The following TECTA variants were observed in gnomAD, a reference collection of about 807,000 sequenced individuals.
The protein encoded by TECTA is tectorin alpha, also known as alpha-tectorin.
TECTA carries 128 observed loss-of-function variants against 216.8 expected under a neutral mutation model. The observed-to-expected ratio is 0.59, with a 90% CI of 0.51 to 0.68. The LOEUF is 0.68. TECTA is among the 30% of genes least tolerant of loss of function. The probability of loss-of-function intolerance (pLI) is 0.00; values close to 1 mark genes in which losing one functional copy is unlikely to be tolerated. For synonymous variants in TECTA, 1,089 were observed against 1,117.1 expected (o/e 0.97, Z 0.50); for missense variants, 2,551 against 2,786.2 (o/e 0.92, Z 1.90).
At chr11:121,163,161 A>G (rs1947018244) in intron 16 of TECTA, among the ~76,000 whole-genome samples, 1 of 152,192 alleles carries the variant, frequency 6.6e-6, no homozygotes, top group African/African-American at 2.4e-5. Context: ...TGACTCCAAG[A>G]TGATACACAC....
intron 20 of TECTA, among the ~76,000 whole-genome samples, chr11:121,175,521 C>T (rs1403536970): frequency 1.3e-5 from 2 of 152,052 alleles, no homozygotes; most frequent in Non-Finnish European, 2.9e-5. Context: ...TTTCTTAATC[C>T]TGAGTTCTAG....
rs527881617 is a variant in TECTA, at chr11:121,145,909, C to G, written c.3898C>G (p.Leu1300Val). The G allele has an allele frequency of 1.5e-5, 25 of 1,614,138 alleles. No individual in the cohort carries two copies. Among genetic ancestry groups the G allele is most frequent in the Non-Finnish European group, 2.1e-5 (25 of 1,180,050 alleles). Residue 1300 changes from leucine to valine, a missense_variant, in exon 12 of 24, where the codon CTG becomes GTG. Coordinates refer to ENST00000392793, the MANE Select transcript of TECTA (RefSeq NM_005422.4). ...GGAAGGTTTCTCCAAAGTGCAGCAG[C>G]TGTGCAGCCTGATCCCCAACCAGAA... ...KVEGFSKVQQ[L>V]CSLIPNQNAA...
chr11:121,142,541 G>A (rs573434500), intron 11 of TECTA, among the ~76,000 whole-genome samples: 1 of 152,276 alleles, frequency 6.6e-6, no homozygotes, highest in Non-Finnish European at 1.5e-5. Context: ...CAATTATATT[G>A]CCTCCTCAAG....
Position 121,146,026 on chromosome 11 carries a change from C to G in TECTA, c.4015C>G (p.Gln1339Glu). The G allele has an allele frequency of 5.6e-6, 9 of 1,614,000 alleles. No individual in the cohort carries two copies. The highest frequency in any genetic ancestry group is 7.6e-6 in the Non-Finnish European group (9 of 1,180,050). Reference protein sequence around the residue: ...FDSCIDGGAVQTACSWLQNYA... With the variant: ...FDSCIDGGAVETACSWLQNYA... ...CTCTTGCATCGATGGGGGCGCGGTG[C>G]AGACCGCCTGCAGCTGGCTGCAGAA... The change falls in exon 12 of 24, where the codon CAG (glutamine) becomes GAG (glutamate). Residue 1339 changes from glutamine (Q) to glutamate (E), a missense_variant. Coordinates refer to ENST00000392793, the MANE Select transcript of TECTA (RefSeq NM_005422.4).
chr11:121,113,122 C>G lies in TECTA; in HGVS notation c.537C>G (p.Thr179=), dbSNP rs374286593. ...TGTCCGATGGCTCCTATACATTCAC[C>G]CTCTTCAATTATTACGAAATCAACT... The part of the protein sequence containing the change: ...VLVSDGSYTF[T]LFNYYEINWT... Residue 179 remains threonine (T), a synonymous_variant, in exon 5 of 24, where the codon ACC becomes ACG. Transcript: ENST00000392793. The surrounding 1 kb of genome is among the most constrained non-coding windows in gnomAD (Gnocchi z 4.2). 2.3e-5 allele frequency: 37 copies of G among 1,614,122 alleles called. No homozygotes were observed. The African/African-American group carries it at 4.8e-4, about 21-fold the overall frequency.
At chr11:121,124,357 CAG>C (rs1946586557) in intron 7 of TECTA, among the ~76,000 whole-genome samples, 1 of 152,182 alleles carries the variant, frequency 6.6e-6, no homozygotes, top group Non-Finnish European at 1.5e-5. Flanking sequence ...AGTAACACCT[CAG>C]TGTCTGCCCC....
intron 2 of TECTA, among the ~76,000 whole-genome samples, chr11:121,103,953 C>T (rs1946369079): frequency 6.6e-6 from 1 of 152,184 alleles, no homozygotes; most frequent in Non-Finnish European, 1.5e-5. Flanking sequence ...CTCACCTTTG[C>T]AGCAGAAGAG....
chr11:121,127,854 C>A lies in TECTA; in HGVS notation c.1877C>A (p.Pro626Gln), dbSNP rs915704164. 6.2e-6 allele frequency: 10 copies of A among 1,613,974 alleles called. No individual in the cohort carries two copies. The highest frequency in any genetic ancestry group is 8.5e-6 in the Non-Finnish European group (10 of 1,180,048). ...DLTASRNCAT[P>Q]CTEGCECNQG... Reference sequence around the variant, plus strand: ...ACGGCCTCGCGGAACTGCGCCACGCCGTGCACAGAGGGCTGCGAGTGCAAC... The same window carrying A: ...ACGGCCTCGCGGAACTGCGCCACGCAGTGCACAGAGGGCTGCGAGTGCAAC... The change falls in exon 9 of 24, where the codon CCG (proline) becomes CAG (glutamine). Residue 626 changes from proline to glutamine, a missense_variant. Around this residue, in one of 3 missense-constraint regions of TECTA, gnomAD observed 2,375 missense variants for 2,563.9 expected, o/e 0.93. Coordinates refer to ENST00000392793, the MANE Select transcript of TECTA (RefSeq NM_005422.4). This position sits in a 1 kb window ranked among gnomAD's most constrained non-coding sequence, Gnocchi z 5.0.
chr11:121,101,846 C>G (rs1222105224), intron 1 of TECTA, among the ~76,000 whole-genome samples: 1 of 152,238 alleles, frequency 6.6e-6, no homozygotes, highest in Non-Finnish European at 1.5e-5. Flanking sequence ...GTTCTCATCG[C>G]AGCTTTGCAG....
chr11:121,106,964 C>T (rs1946396324), intron 3 of TECTA, among the ~76,000 whole-genome samples: 1 of 152,158 alleles, frequency 6.6e-6, no homozygotes, highest in African/African-American at 2.4e-5. Context: ...CCAAGTGGTT[C>T]TGATGCCCAC....
chr11:121,164,861 A>G (rs1947035675), intron 16 of TECTA, among the ~76,000 whole-genome samples: 1 of 152,202 alleles, frequency 6.6e-6, no homozygotes, highest in African/African-American at 2.4e-5. Flanking sequence ...GTAGAGATAA[A>G]TGATCTGGAT....
chr11:121,174,515 C>G (rs566645540), intron 20 of TECTA, among the ~76,000 whole-genome samples: 1 of 152,186 alleles, frequency 6.6e-6, no homozygotes, highest in Non-Finnish European at 1.5e-5. Flanking sequence ...GTATATTGAA[C>G]CAGCCTTGCA....
chr11:121,184,269 C>G (rs1947259663), intron 20 of TECTA, among the ~76,000 whole-genome samples: 2 of 152,222 alleles, frequency 1.3e-5, no homozygotes, highest in South Asian at 2.1e-4. Context: ...ACACTCTCCT[C>G]TTGCTTTATC....
Position 121,191,058 on chromosome 11 carries a change from A to G in TECTA, c.*252A>G. ...TGTGTAAAATTCCCAAACAGTTGTC[A>G]CTAGAGACTTTGGTTCACATGAAAA... On this transcript the variant is annotated 3_prime_UTR_variant, in exon 24 of 24. Coordinates refer to ENST00000392793, the MANE Select transcript of TECTA (RefSeq NM_005422.4). The G allele has an allele frequency of 2.5e-6, 1 of 399,334 alleles. No individual in the cohort carries two copies. The highest frequency in any genetic ancestry group is 2.0e-5 in the African/African-American group (1 of 48,850). 24.7% of individuals were successfully genotyped at this position (399,334 alleles called of 1,614,324 possible).
intron 20 of TECTA, among the ~76,000 whole-genome samples, chr11:121,181,743 C>T (rs1692912112): frequency 1.3e-5 from 2 of 152,142 alleles, no homozygotes; most frequent in South Asian, 4.1e-4. Flanking sequence ...GCTGGGATTA[C>T]AGGCGTGAGC....
chr11:121,109,567 A>AC, intron 4 of TECTA, 69 bp downstream of exon 4: 1 of 1,559,254 alleles, frequency 6.4e-7, no homozygotes, highest in Non-Finnish European at 8.8e-7. Flanking sequence ...CTTCGCTACC[A>AC]CGAAGGAGTC....
intron 13 of TECTA, among the ~76,000 whole-genome samples, chr11:121,154,264 A>T (rs902810838): frequency 6.6e-6 from 1 of 152,210 alleles, no homozygotes; most frequent in East Asian, 1.9e-4. Flanking sequence ...AACTTCGGGG[A>T]TAAATAAAAG....
chr11:121,168,836 C>T lies in TECTA; in HGVS notation c.5910C>T (p.Ala1970=), dbSNP rs1947082760. Residue 1970 remains alanine (A), a synonymous_variant, in exon 20 of 24, where the codon GCC becomes GCT. Transcript: ENST00000392793. ...YVGVFVVGAD[A]THLILTLNKC... ...GGGTTTTTGTGGTTGGAGCTGACGC[C>T]ACACATTTAATCCTAACACTCAACA... is the stretch of plus-strand genomic sequence containing the variant. The T allele has an allele frequency of 6.2e-7, 1 of 1,614,008 alleles. No individual in the cohort carries two copies. The highest frequency in any genetic ancestry group is 1.3e-5 in the African/African-American group (1 of 74,888).
rs77628498 is a variant in TECTA, at chr11:121,158,068, C to T, written c.4533C>T (p.Phe1511=). ...AFLRFPANCA[F]VLSTICQKLP... ...TGCGCTTCCCAGCCAACTGCGCCTT[C>T]GTGCTGTCCACCATCTGCCAGAAAC... The change falls in exon 14 of 24, where the codon TTC becomes TTT. Residue 1511 remains phenylalanine (F), a synonymous_variant. Coordinates refer to ENST00000392793, the MANE Select transcript of TECTA (RefSeq NM_005422.4). 2,955 of 1,613,884 alleles carry T rather than the reference C, an allele frequency of 1.8e-3. 43 individuals carry two copies. In the African/African-American group the frequency reaches 0.036, roughly 20 times the overall value.
Sources: allele counts gnomAD v4.1 joint callset (sites outside exome capture counted in the v4.1 genomes callset), GRCh38; gene constraint gnomAD v4.1.1; regional missense constraint gnomAD v4.1.1; non-coding constraint Gnocchi (gnomAD v3.1); transcripts MANE v1.5; gene names NCBI Gene and HGNC (gene_info 2026-07-23, HGNC 2026-07-21).